Variants in ADCY5 observed in about 807,000 individuals in gnomAD.
ADCY5 encodes adenylate cyclase 5, also known as adenylate cyclase type 5.
A neutral mutation model predicts 119.7 loss-of-function variants in ADCY5; 30 were observed. The ratio of observed to expected loss-of-function variants is 0.25; its 90% CI spans 0.19 to 0.34. The LOEUF (loss-of-function observed/expected upper bound fraction) is 0.34, where lower values mean the gene tolerates loss of function less well. Among genes scored for constraint, ADCY5 ranks in the 10% least tolerant of loss-of-function variants. The pLI is 1.00. For synonymous variants in ADCY5, 753 were observed against 762.2 expected (o/e 0.99, Z 0.20); for missense variants, 1,324 against 1,775.2 (o/e 0.75, Z 4.57).
intron 1 of ADCY5, among the ~76,000 whole-genome samples, chr3:123,413,732 G>A (rs773178488): frequency 8.5e-5 from 13 of 152,170 alleles, no homozygotes; most frequent in Non-Finnish European, 1.5e-4. Context: ...CCTCAGTGAG[G>A]GCAGGGAAAG....
Position 123,314,403 on chromosome 3 carries a change from G to A in ADCY5, c.2355-81C>T, listed in dbSNP as rs1313973315. ...TTCTGGGGGACCTGCCTGGCAAGCA[G>A]GCCACAGGTCCCCCGTGCCCATCCT... On this transcript the variant is annotated intron_variant, in intron 11 of 20. Coordinates refer to ENST00000462833, the MANE Select transcript of ADCY5 (RefSeq NM_183357.3). 6 of 1,125,502 alleles carry A rather than the reference G, an allele frequency of 5.3e-6. No homozygotes were observed. In the East Asian group the frequency reaches 1.5e-4, roughly 28 times the overall value. The allele number at this position is 1,125,502 out of a possible 1,614,324, so 69.7% of individuals were successfully genotyped here. A position where few individuals can be genotyped will look rare whatever the true frequency, so the allele number is the denominator to read the frequency against.
intron 12 of ADCY5, among the ~76,000 whole-genome samples, chr3:123,308,211 G>C (rs1296773067): frequency 6.6e-6 from 1 of 151,300 alleles, no homozygotes; most frequent in Non-Finnish European, 1.5e-5. Context: ...TTTTGTTTTT[G>C]TATTTTCAGT....
intron 1 of ADCY5, among the ~76,000 whole-genome samples, chr3:123,398,850 G>A (rs997917754): frequency 1.3e-5 from 2 of 152,160 alleles, no homozygotes; most frequent in Non-Finnish European, 2.9e-5. Flanking sequence ...ATGGTGTTAG[G>A]TGCAAATGAG....
At chr3:123,435,115 T>C (rs187693208) in intron 1 of ADCY5, among the ~76,000 whole-genome samples, 1 of 152,128 alleles carries the variant, frequency 6.6e-6, no homozygotes, top group Admixed American at 6.5e-5. Flanking sequence ...TGAGACTCCA[T>C]CTCCACAAAA....
intron 1 of ADCY5, among the ~76,000 whole-genome samples, chr3:123,438,690 TAGTG>T (rs1322671160): frequency 1.3e-5 from 2 of 152,182 alleles, no homozygotes; most frequent in Non-Finnish European, 2.9e-5. Flanking sequence ...AGTGCAAGCG[TAGTG>T]ATGCTGGCAG....
rs1004660574 is a variant in ADCY5 at position 123,361,946 on chromosome 3, C to T, written c.1135-9365G>A. Among the ~76,000 whole-genome samples, 5 of 152,262 alleles carry T rather than the reference C, an allele frequency of 3.3e-5. No homozygotes were observed. In the East Asian group the frequency reaches 9.6e-4, roughly 29 times the overall value. Reference sequence around the variant, plus strand: ...GCTCAAAATGTTTCAGATTTTAGAGCATTTTGGATTTCAAATTTTCAGATT... The same window carrying T: ...GCTCAAAATGTTTCAGATTTTAGAGTATTTTGGATTTCAAATTTTCAGATT... On this transcript the variant is annotated intron_variant, in intron 1 of 20. Transcript: ENST00000462833.
In ADCY5 at chr3:123,289,784, A is replaced by G. The variant is rs769268393; in HGVS notation, c.3498T>C (p.Asn1166=). The G allele has an allele frequency of 2.5e-6, 4 of 1,614,176 alleles. No homozygotes were observed. In the South Asian group the frequency reaches 3.3e-5, roughly 13 times the overall value. The change falls in exon 19 of 21, where the codon AAT becomes AAC. Residue 1166 remains asparagine, a synonymous_variant. Transcript: ENST00000462833. ...TCTGGAAGTTGTTGAAGGAGTGCTC[A>G]TTGATGTACTTCATCTGGTCCATCA... The part of the protein sequence containing the change: ...MKLMDQMKYI[N]EHSFNNFQMK...
chr3:123,433,427 G>A (rs929340687), intron 1 of ADCY5, among the ~76,000 whole-genome samples: 1 of 152,218 alleles, frequency 6.6e-6, no homozygotes, highest in Non-Finnish European at 1.5e-5. Flanking sequence ...GGGGACTAGG[G>A]CACACTAAGT....
intron 12 of ADCY5, among the ~76,000 whole-genome samples, chr3:123,311,346 CACTGCAG>C (rs1342840270): frequency 6.6e-6 from 1 of 152,236 alleles, no homozygotes; most frequent in Admixed American, 6.5e-5. Flanking sequence ...ACGGTCAACC[CACTGCAG>C]TGAGTGTGCC....
chr3:123,299,983 C>T, intron 15 of ADCY5, 137 bp downstream of exon 15: 1 of 966,912 alleles, frequency 1.0e-6, no homozygotes, highest in Admixed American at 2.6e-5. Flanking sequence ...GGCCGTTTTC[C>T]AGATGTCAGG....
rs563689522 is a variant in ADCY5, at chr3:123,315,185, G to A, written c.2355-863C>T. ...GCCTGACGAGGCCAGGTGTTGTTAT[G>A]GGGTTAAAAGCCCGTGGGGGGCGTG... On this transcript the variant is annotated intron_variant, in intron 11 of 20. Coordinates refer to ENST00000462833, the MANE Select transcript of ADCY5 (RefSeq NM_183357.3). 2.0e-4 allele frequency among the ~76,000 whole-genome samples: 30 copies of A among 152,360 alleles called. No individual in the cohort carries two copies. The East Asian group carries it at 4.4e-3, about 23-fold the overall frequency.
At chr3:123,424,170 C>A (rs533906931) in intron 1 of ADCY5, among the ~76,000 whole-genome samples, 1 of 152,212 alleles carries the variant, frequency 6.6e-6, no homozygotes, top group Admixed American at 6.5e-5. Flanking sequence ...ACTGTGGGGG[C>A]CAAGGGGTGG....
At chr3:123,445,342 C>T (rs928949109) in intron 1 of ADCY5, among the ~76,000 whole-genome samples, 1 of 150,072 alleles carries the variant, frequency 6.7e-6, no homozygotes, top group African/African-American at 2.5e-5. Context: ...AATTGGGGCC[C>T]CCCCCAAGGC....
At position 123,325,286 on chromosome 3, in the gene ADCY5, G is replaced by A. The variant is rs779488170; in HGVS notation, c.2088+36C>T. On this transcript the variant is annotated intron_variant, in intron 8 of 20. Coordinates refer to ENST00000462833, the MANE Select transcript of ADCY5 (RefSeq NM_183357.3). ...GCCCACAGAAGGCCCTAGCCTTGGA[G>A]AGTGTTGCCCACAGGCTGCCCCACC... 2.5e-6 allele frequency: 4 copies of A among 1,612,054 alleles called. No individual in the cohort carries two copies. In the South Asian group the frequency reaches 3.3e-5, roughly 13 times the overall value.
At chr3:123,351,913 T>C (rs959233067) in intron 2 of ADCY5, among the ~76,000 whole-genome samples, 4 of 152,214 alleles carry the variant, frequency 2.6e-5, no homozygotes, top group African/African-American at 9.6e-5. Flanking sequence ...GATGGGACTT[T>C]CTTCCTTCTC....
At position 123,314,322 on chromosome 3, in the gene ADCY5, G is replaced by A. The variant is rs755305783; in HGVS notation, c.2355C>T (p.His785=). The change falls in exon 12 of 21, where the codon CAC becomes CAT. Residue 785 remains histidine (H), a splice_region_variant and synonymous_variant. Coordinates refer to ENST00000462833, the MANE Select transcript of ADCY5 (RefSeq NM_183357.3). ...ICFVQITIVP[H]SIFMLSFYLT... is the part of the protein sequence containing the mutation. ...GGTAGAAGCTGAGCATGAATATGGA[G>A]CTGGAAGGAGAGAGGAGGGGAGGGA... The A allele has an allele frequency of 3.1e-6, 5 of 1,610,678 alleles. No individual in the cohort carries two copies. Among genetic ancestry groups the A allele is most frequent in the Admixed American group, 1.7e-5 (1 of 59,826 alleles).
intron 1 of ADCY5, among the ~76,000 whole-genome samples, chr3:123,420,542 A>G (rs1039888739): frequency 3.3e-5 from 5 of 152,178 alleles, no homozygotes; most frequent in African/African-American, 9.7e-5. Context: ...AGATGGCCGC[A>G]TCTCCATTCT....
chr3:123,294,236 C>G (rs79953952), intron 17 of ADCY5, among the ~76,000 whole-genome samples: 5 of 152,128 alleles, frequency 3.3e-5, no homozygotes, highest in African/African-American at 1.2e-4. Flanking sequence ...GAAGGAATGG[C>G]GGACACTGGG....
chr3:123,340,296 A>C (rs1282917773), intron 3 of ADCY5, among the ~76,000 whole-genome samples: 1 of 152,224 alleles, frequency 6.6e-6, no homozygotes, highest in African/African-American at 2.4e-5. Context: ...TTTCAAAAAA[A>C]AAGTAGAATA....
Sources: gnomAD v4.1 joint callset for allele counts (sites outside exome capture counted in the v4.1 genomes callset) on GRCh38, gnomAD v4.1.1 for gene constraint, MANE v1.5 for transcripts, NCBI Gene and HGNC (gene_info 2026-07-23, HGNC 2026-07-21) for gene names.